The following FAR1 variants were observed in gnomAD, a reference collection of about 807,000 sequenced individuals.
The protein encoded by FAR1 is fatty acyl-CoA reductase 1.
In FAR1, 22 loss-of-function variants were observed where a neutral mutation model predicts 61.1. That is an observed-to-expected ratio of 0.36 (90% CI 0.26 to 0.51). The LOEUF is 0.51. FAR1 is among the 20% of genes least tolerant of loss of function. The pLI, the probability that FAR1 is intolerant of heterozygous loss-of-function variation, is 0.95. For missense variants in FAR1, 359 were observed against 626.9 expected, an observed-to-expected ratio of 0.57 and a Z score of 4.56; for synonymous variants, 206 against 209.7, an observed-to-expected ratio of 0.98 and a Z score of 0.15.
rs1183776779 is a variant in FAR1, at chr11:13,698,065, A to G, written c.190-2252A>G. 3.3e-5 allele frequency among the ~76,000 whole-genome samples: 5 copies of G among 152,240 alleles called. No homozygotes were observed. The East Asian group carries it at 5.8e-4, about 18-fold the overall frequency. ...TATGTGGTTAGTAAAATCTATGTTG[A>G]TAGTCCAGCTCTCTCCCTGAACTTA... On this transcript the variant is annotated intron_variant, in intron 2 of 11. Transcript: ENST00000354817.
chr11:13,721,978 GTC>G lies in FAR1; in HGVS notation c.1257+124_1257+125del. 2.5e-6 allele frequency: 2 copies of G among 785,736 alleles called. No homozygotes were observed. Among genetic ancestry groups the G allele is most frequent in the Non-Finnish European group, 1.9e-6 (1 of 520,748 alleles). 48.7% of individuals were successfully genotyped at this position (785,736 alleles called of 1,614,324 possible). A position where few individuals can be genotyped will look rare whatever the true frequency, so the allele number is the denominator to read the frequency against. The stretch of plus-strand genomic sequence containing the variant: ...TGCAACAAGTAAGCCATTATTTATA[GTC>G]TCTCATAAAGCTTTAGTCATAATTG... On this transcript the variant is annotated intron_variant, in intron 10 of 11. Coordinates refer to ENST00000354817, the MANE Select transcript of FAR1 (RefSeq NM_032228.6). This position sits in a 1 kb window ranked among gnomAD's most constrained non-coding sequence, Gnocchi z 4.2.
At chr11:13,709,568 C>T (rs1027917000) in intron 4 of FAR1, among the ~76,000 whole-genome samples, 4 of 152,016 alleles carry the variant, frequency 2.6e-5, no homozygotes, top group Admixed American at 2.0e-4. Flanking sequence ...TCTGTAAACT[C>T]GTTCTAGTAA....
At position 13,691,824 on chromosome 11, in the gene FAR1, A is replaced by G. The variant is rs566924900; in HGVS notation, c.-7-2935A>G. 3.9e-5 allele frequency among the ~76,000 whole-genome samples: 6 copies of G among 152,286 alleles called. No homozygotes were observed. In the East Asian group the frequency reaches 1.2e-3, roughly 29 times the overall value. On this transcript the variant is annotated intron_variant, in intron 1 of 11. Transcript: ENST00000354817. ...TGGCTATCGTGAGCAGTGCTGCTAT[A>G]GATTGAGTATCCCTAATCCAAAAAA...
chr11:13,711,839 C>G (rs1369459371), intron 6 of FAR1, 31 bp downstream of exon 6: 3 of 1,570,982 alleles, frequency 1.9e-6, no homozygotes, highest in African/African-American at 2.7e-5. Context: ...ATTTAATATT[C>G]TATACATTTT....
At chr11:13,687,286 C>A (rs1398246580) in intron 1 of FAR1, among the ~76,000 whole-genome samples, 1 of 152,160 alleles carries the variant, frequency 6.6e-6, no homozygotes, top group Non-Finnish European at 1.5e-5. Context: ...TAGCTAGCTA[C>A]GACTGCTAGG....
chr11:13,705,437 TC>T (rs1249879105), intron 3 of FAR1, among the ~76,000 whole-genome samples: 1 of 152,068 alleles, frequency 6.6e-6, no homozygotes, highest in African/African-American at 2.4e-5. Flanking sequence ...ATAGAAGTGT[TC>T]CTCTCAAATT....
At chr11:13,681,873 T>C (rs1344257642) in intron 1 of FAR1, among the ~76,000 whole-genome samples, 1 of 152,218 alleles carries the variant, frequency 6.6e-6, no homozygotes, top group Non-Finnish European at 1.5e-5. Flanking sequence ...TTCCCATCCA[T>C]ACTTTTAAAT....
In FAR1 at chr11:13,715,664, A is replaced by G. The variant is rs552291080; in HGVS notation, c.1127+984A>G. On this transcript the variant is annotated intron_variant, in intron 9 of 11. Transcript: ENST00000354817. The stretch of plus-strand genomic sequence containing the variant: ...AATAAACAGAAAACTTTGTTTTCTT[A>G]TCGTTGTTATAGCTTTTCTTTCTTT... 17 of 152,274 alleles carry G rather than the reference A, an allele frequency of 1.1e-4. No individual in the cohort carries two copies. In the East Asian group the frequency reaches 3.1e-3, roughly 28 times the overall value. The allele number at this position is 152,274 out of a possible 1,614,324, so 9.4% of individuals were successfully genotyped here.
chr11:13,700,370 A>C lies in FAR1; in HGVS notation c.243A>C (p.Ala81=). Residue 81 remains alanine, a synonymous_variant, in exon 3 of 12, where the codon GCA becomes GCC. Transcript: ENST00000354817. Reference sequence around the variant, plus strand: ...CAGATTTTAGAGAGAAAATTATAGCAATCAACAGCGAACTCACCCAACCTA... The same window carrying C: ...CAGATTTTAGAGAGAAAATTATAGCCATCAACAGCGAACTCACCCAACCTA... The part of the protein sequence containing the change: ...ENPDFREKII[A]INSELTQPKL... 6.2e-7 allele frequency: 1 copy of C among 1,600,718 alleles called. No individual in the cohort carries two copies. The highest frequency in any genetic ancestry group is 8.5e-7 in the Non-Finnish European group (1 of 1,175,790).
rs11603152 is a variant in FAR1, at chr11:13,700,692, A to G, written c.365+200A>G. The G allele has an allele frequency of 0.028, 9,144 of 321,564 alleles. 233 individuals are homozygous for G. The highest frequency in any genetic ancestry group is 0.036 in the Non-Finnish European group (6,461 of 178,386). The allele number at this position is 321,564 out of a possible 1,614,324, so 19.9% of individuals were successfully genotyped here. A position where few individuals can be genotyped will look rare whatever the true frequency, so the allele number is the denominator to read the frequency against. ...TTTAAAAATCTTGGATAACTAATAC[A>G]TGTTTATTGGAAGAAGTTGCCATGA... On this transcript the variant is annotated intron_variant, in intron 3 of 11. Coordinates refer to ENST00000354817, the MANE Select transcript of FAR1 (RefSeq NM_032228.6).
rs1848451807 is a variant in FAR1 at position 13,707,931 on chromosome 11, C to T, written c.397C>T (p.Arg133Ter). Reference protein sequence around the residue: ...DAVQLNVIATRQLILLAQQMK... With the variant: ...DAVQLNVIAT ...TGTTCAGTTAAATGTGATTGCAACG[C>T]GACAGCTTATTCTCCTTGCACAACA... Residue 133 changes from arginine (R) to a stop codon, truncating the protein, a stop_gained, in exon 4 of 12, where the codon CGA becomes TGA. Coordinates refer to ENST00000354817, the MANE Select transcript of FAR1 (RefSeq NM_032228.6). LOFTEE classifies it high-confidence loss of function. 1.9e-6 allele frequency: 3 copies of T among 1,589,302 alleles called. No homozygotes were observed. The highest frequency in any genetic ancestry group is 2.6e-6 in the Non-Finnish European group (3 of 1,168,030).
chr11:13,718,480 T>TAAAAC (rs1848577060), intron 9 of FAR1, among the ~76,000 whole-genome samples: 1 of 152,228 alleles, frequency 6.6e-6, no homozygotes, highest in African/African-American at 2.4e-5. Context: ...CTTTAAGGCT[T>TAAAAC]CCATTAATAA....
intron 7 of FAR1, among the ~76,000 whole-genome samples, chr11:13,712,748 T>C (rs1848514223): frequency 6.6e-6 from 1 of 151,922 alleles, no homozygotes; most frequent in Non-Finnish European, 1.5e-5. Context: ...AAAAAGTCTG[T>C]ATTTTTTAAA....
chr11:13,699,218 C>A (rs1247789672), intron 2 of FAR1, among the ~76,000 whole-genome samples: 1 of 152,156 alleles, frequency 6.6e-6, no homozygotes. Flanking sequence ...AGGCCCGTAA[C>A]ACTTACCTGT....
intron 1 of FAR1, among the ~76,000 whole-genome samples, chr11:13,674,577 C>T (rs1848045584): frequency 6.6e-6 from 1 of 152,120 alleles, no homozygotes; most frequent in African/African-American, 2.4e-5. Context: ...CTGCATTTTA[C>T]AATATTTTCT....
At chr11:13,673,124 A>T (rs954537210) in intron 1 of FAR1, among the ~76,000 whole-genome samples, 4 of 152,194 alleles carry the variant, frequency 2.6e-5, no homozygotes, top group Non-Finnish European at 4.4e-5. Context: ...AAGAGTGGAG[A>T]CAGAAGTCAA....
At chr11:13,695,159 G>A (rs969125314) in intron 2 of FAR1, among the ~76,000 whole-genome samples, 3 of 152,116 alleles carry the variant, frequency 2.0e-5, no homozygotes, top group Non-Finnish European at 4.4e-5. Flanking sequence ...CTCTGTGACT[G>A]GCAAAATTGT....
chr11:13,710,776 T>TG lies in FAR1; in HGVS notation c.631dup (p.Ala211GlyfsTer35). On this transcript the variant is annotated frameshift_variant, in exon 5 of 12. Coordinates refer to ENST00000354817, the MANE Select transcript of FAR1 (RefSeq NM_032228.6). LOFTEE classifies it high-confidence loss of function. ...AATACATACATATACACAAAAGCAT[T>TG]GGCAGAATATGTTGTACAACAAGAA... 1.9e-6 allele frequency: 3 copies of TG among 1,612,912 alleles called. No homozygotes were observed. Among genetic ancestry groups the TG allele is most frequent in the Non-Finnish European group, 2.5e-6 (3 of 1,179,510 alleles).
rs181573846 is a variant in FAR1 at position 13,688,751 on chromosome 11, A to G, written c.-7-6008A>G. Among the ~76,000 whole-genome samples, 31 of 152,312 alleles carry G rather than the reference A, an allele frequency of 2.0e-4. 1 individual carries two copies. Among genetic ancestry groups the G allele is most frequent in the Admixed American group, 1.1e-3 (17 of 15,308 alleles). On this transcript the variant is annotated intron_variant, in intron 1 of 11. Transcript: ENST00000354817. ...GAGTATGTAATTGTCATTAATACCT[A>G]CTTGTTAGGAAGTATATTGATGCAG...
Sources: gnomAD v4.1 joint callset for allele counts (sites outside exome capture counted in the v4.1 genomes callset) on GRCh38, gnomAD v4.1.1 for gene constraint, Gnocchi (gnomAD v3.1) non-coding constraint, MANE v1.5 for transcripts, NCBI Gene and HGNC (gene_info 2026-07-23, HGNC 2026-07-21) for gene names.